Variants in PDE4D observed in about 807,000 individuals in gnomAD.
The protein encoded by PDE4D is 3',5'-cyclic-AMP phosphodiesterase 4D.
A neutral mutation model predicts 87.4 loss-of-function variants in PDE4D; 24 were observed. The ratio of observed to expected loss-of-function variants is 0.27; its 90% confidence interval spans 0.20 to 0.39. PDE4D has a LOEUF of 0.39. Among genes scored for constraint, PDE4D ranks in the 10% least tolerant of loss-of-function variants. PDE4D has a pLI of 1.00. For missense variants in PDE4D, 714 were observed against 1,041.0 expected (o/e 0.69, Z 4.32); for synonymous variants, 384 against 383.2 (o/e 1.00, Z -0.02).
intron 2 of PDE4D, among the ~76,000 whole-genome samples, chr5:59,205,698 A>ACACACACG (rs748608669): frequency 6.9e-6 from 1 of 145,452 alleles, no homozygotes; most frequent in Non-Finnish European, 1.5e-5. Context: ...ACACACACAC[A>ACACACACG]CCAATCCACA....
chr5:60,318,981 A>T (rs1281460162), intron 1 of PDE4D, among the ~76,000 whole-genome samples: 1 of 152,048 alleles, frequency 6.6e-6, no homozygotes, highest in African/African-American at 2.4e-5. Context: ...GCACTTCTTG[A>T]GGAGTATCTT....
chr5:60,319,575 C>T (rs942115813), intron 1 of PDE4D, among the ~76,000 whole-genome samples: 5 of 152,136 alleles, frequency 3.3e-5, no homozygotes, highest in Admixed American at 3.3e-4. Flanking sequence ...TTTTTAGTTT[C>T]CAGTTTTTCT....
chr5:60,027,990 G>A (rs1164934454), intron 2 of PDE4D, among the ~76,000 whole-genome samples: 1 of 152,126 alleles, frequency 6.6e-6, no homozygotes, highest in East Asian at 1.9e-4. Context: ...ATACGATCAT[G>A]TCCTCTTATG....
intron 1 of PDE4D, among the ~76,000 whole-genome samples, chr5:60,479,258 C>G (rs1748548553): frequency 6.6e-6 from 1 of 152,148 alleles, no homozygotes; most frequent in Non-Finnish European, 1.5e-5. Flanking sequence ...ATCTCTAGAA[C>G]AACATTCTAC....
chr5:59,294,469 C>T (rs1338014886), intron 1 of PDE4D, among the ~76,000 whole-genome samples: 1 of 152,134 alleles, frequency 6.6e-6, no homozygotes, highest in Non-Finnish European at 1.5e-5. Context: ...GAGGCTGACA[C>T]TCTGGGCTAC....
chr5:58,987,663 A>G (rs946426475), intron 11 of PDE4D, among the ~76,000 whole-genome samples: 7 of 152,142 alleles, frequency 4.6e-5, no homozygotes, highest in Non-Finnish European at 1.0e-4. Flanking sequence ...TGGATTCTTA[A>G]GCATACAACA....
intron 1 of PDE4D, among the ~76,000 whole-genome samples, chr5:60,472,516 T>A (rs1034669940): frequency 4.6e-5 from 7 of 152,174 alleles, no homozygotes; most frequent in Non-Finnish European, 4.4e-5. Context: ...TTTCCTGAGA[T>A]CCTTGTTGGT....
At chr5:59,302,495 G>A (rs1188085821) in intron 1 of PDE4D, among the ~76,000 whole-genome samples, 1 of 151,994 alleles carries the variant, frequency 6.6e-6, no homozygotes, top group Non-Finnish European at 1.5e-5. Context: ...AGTATACACT[G>A]CACCATATTT....
chr5:59,086,689 C>T (rs574629074), intron 5 of PDE4D, among the ~76,000 whole-genome samples: 38 of 152,224 alleles, frequency 2.5e-4, no homozygotes, highest in African/African-American at 7.2e-4. Flanking sequence ...ACCCTATCTG[C>T]AGTTTTTACT....
intron 1 of PDE4D, among the ~76,000 whole-genome samples, chr5:60,454,481 G>A (rs1196468273): frequency 6.6e-6 from 1 of 152,168 alleles, no homozygotes; most frequent in Non-Finnish European, 1.5e-5. Context: ...AAAAAGGAAT[G>A]AGATAATGTC....
chr5:59,803,786 G>A (rs1022019671), intron 1 of PDE4D, among the ~76,000 whole-genome samples: 2 of 152,156 alleles, frequency 1.3e-5, no homozygotes, highest in Non-Finnish European at 2.9e-5. Context: ...CTTCAACACA[G>A]ACAAGGTCAC....
chr5:59,626,336 C>T (rs895314787), intron 1 of PDE4D, among the ~76,000 whole-genome samples: 2 of 152,168 alleles, frequency 1.3e-5, no homozygotes. Context: ...TATATCAAAA[C>T]ATCAAGTTGT....
rs186640239 is a variant in PDE4D at position 60,320,099 on chromosome 5, G to A, written c.-89-134412C>T. On this transcript the variant is annotated intron_variant, in intron 1 of 16. Coordinates refer to the PDE4D transcript ENST00000502484. ...CCAGAGGTGTAGTCTACAGAGGCAG[G>A]CAGGCCTCCTTGAGCTGTAGTGGGC... Among the ~76,000 whole-genome samples the A allele has an allele frequency of 2.0e-4, 30 of 152,348 alleles. No homozygotes were observed. In the East Asian group the frequency reaches 5.0e-3, roughly 25 times the overall value.
intron 1 of PDE4D, among the ~76,000 whole-genome samples, chr5:60,296,402 T>C (rs562117957): frequency 2.0e-5 from 3 of 152,256 alleles, no homozygotes; most frequent in African/African-American, 4.8e-5. Context: ...GAAAATGTCT[T>C]GAGGTACCTT....
intron 1 of PDE4D, among the ~76,000 whole-genome samples, chr5:59,728,205 C>T (rs1756881421): frequency 1.3e-5 from 2 of 152,060 alleles, no homozygotes; most frequent in Non-Finnish European, 1.5e-5. Flanking sequence ...GACATTAAGA[C>T]TTGAGCTCTG....
At chr5:60,228,098 A>G (rs1309471575) in intron 1 of PDE4D, among the ~76,000 whole-genome samples, 1 of 151,914 alleles carries the variant, frequency 6.6e-6, no homozygotes, top group East Asian at 1.9e-4. Flanking sequence ...ATTCAAACAC[A>G]CATCTCTTTC....
rs371103845 is a variant in PDE4D, at chr5:60,193,422, G to A, written c.-89-7735C>T. Among the ~76,000 whole-genome samples, 20 of 152,210 alleles carry A rather than the reference G, an allele frequency of 1.3e-4. 1 individual carries two copies. In the East Asian group the frequency reaches 2.3e-3, roughly 18 times the overall value. ...GCAGTGGCTCACGCCTGTAATCCCAGCACTTTGGGAGGCCGAGGCGGGTGG... is the reference window on the plus strand; with the variant it reads ...GCAGTGGCTCACGCCTGTAATCCCAACACTTTGGGAGGCCGAGGCGGGTGG... On this transcript the variant is annotated intron_variant, in intron 1 of 16. Transcript: ENST00000502484.
At chr5:59,465,381 C>T (rs974052019) in intron 1 of PDE4D, among the ~76,000 whole-genome samples, 1 of 152,142 alleles carries the variant, frequency 6.6e-6, no homozygotes, top group Non-Finnish European at 1.5e-5. Context: ...TGTGCACATA[C>T]ACATATGTGC....
chr5:59,494,477 C>A (rs1248818772), intron 1 of PDE4D, among the ~76,000 whole-genome samples: 3 of 152,012 alleles, frequency 2.0e-5, no homozygotes, highest in African/African-American at 4.8e-5. Context: ...AACAAACAAA[C>A]AAACAAAAAA....
Sources: allele counts gnomAD v4.1 joint callset (sites outside exome capture counted in the v4.1 genomes callset), GRCh38; gene constraint gnomAD v4.1.1; transcripts MANE v1.5; gene names NCBI Gene and HGNC (gene_info 2026-07-23, HGNC 2026-07-21).